The following BCR variants were observed in gnomAD, a reference collection of about 807,000 sequenced individuals.
BCR encodes breakpoint cluster region protein.
A neutral mutation model predicts 138.6 loss-of-function variants in BCR; 58 were observed. The ratio of observed to expected loss-of-function variants is 0.42; its 90% CI spans 0.34 to 0.52. BCR has a LOEUF of 0.52. Ranked by LOEUF, BCR falls within the 20% of genes least tolerant of loss-of-function variation. The pLI, the probability that BCR is intolerant of heterozygous loss-of-function variation, is 0.06. For synonymous variants in BCR, 786 were observed against 730.1 expected (o/e 1.08, Z -1.23); for missense variants, 1,599 against 1,727.2 (o/e 0.93, Z 1.32).
chr22:23,246,886 C>T lies in BCR; in HGVS notation c.1280-6913C>T, dbSNP rs1156873215. ...GAGGTTCTGCTACGATAGCCAGCTT[C>T]GGAGCCCCCAAGATCCACAGCCCTT... On this transcript the variant is annotated intron_variant, in intron 1 of 22. Transcript: ENST00000305877. Among the ~76,000 whole-genome samples the T allele has an allele frequency of 3.9e-5, 6 of 152,030 alleles. No homozygotes were observed. In the East Asian group the frequency reaches 7.7e-4, roughly 20 times the overall value.
chr22:23,286,697 C>T (rs762900086), intron 10 of BCR, among the ~76,000 whole-genome samples: 2 of 152,136 alleles, frequency 1.3e-5, no homozygotes, highest in Non-Finnish European at 2.9e-5. Flanking sequence ...AGGGCCTTCC[C>T]ATCCAGGTTC....
intron 5 of BCR, among the ~76,000 whole-genome samples, chr22:23,269,516 C>T (rs1453597653): frequency 6.6e-6 from 1 of 152,180 alleles, no homozygotes; most frequent in Non-Finnish European, 1.5e-5. Context: ...GGCTTTGTGC[C>T]GTCTTATTGT....
At chr22:23,194,758 T>C (rs187060270) in intron 1 of BCR, among the ~76,000 whole-genome samples, 1 of 151,774 alleles carries the variant, frequency 6.6e-6, no homozygotes, top group Admixed American at 6.6e-5. Flanking sequence ...CTGGGCAACA[T>C]AGCAAGACCC....
chr22:23,297,239 G>GTTTT (rs2073857171), intron 16 of BCR, among the ~76,000 whole-genome samples: 1 of 98,328 alleles, frequency 1.0e-5, no homozygotes, highest in Non-Finnish European at 2.0e-5. Flanking sequence ...TTTTTTTTTC[G>GTTTT]AGACAGAGTT....
Position 23,235,219 on chromosome 22 carries a change from C to G in BCR, c.1280-18580C>G, listed in dbSNP as rs1000504572. On this transcript the variant is annotated intron_variant, in intron 1 of 22. Transcript: ENST00000305877. The stretch of plus-strand genomic sequence containing the variant: ...TCTCCTGCCTCAGCCTCCCAAGTAG[C>G]TGGGATTACAGGCATGCACCCAGCT... 1.6e-4 allele frequency among the ~76,000 whole-genome samples: 23 copies of G among 144,346 alleles called. 2 individuals carry two copies. Among genetic ancestry groups the G allele is most frequent in the African/African-American group, 5.6e-4 (23 of 40,870 alleles). 94.7% of individuals were successfully genotyped at this position (144,346 alleles called of 152,430 possible).
intron 2 of BCR, among the ~76,000 whole-genome samples, chr22:23,256,989 C>T (rs1004777193): frequency 1.3e-5 from 2 of 152,114 alleles, no homozygotes; most frequent in African/African-American, 2.4e-5. Context: ...CCTTTACCTC[C>T]GGCTTCCTAC....
chr22:23,241,450 G>T (rs2073090878), intron 1 of BCR, among the ~76,000 whole-genome samples: 1 of 152,154 alleles, frequency 6.6e-6, no homozygotes, highest in African/African-American at 2.4e-5. Context: ...CTGGTGTGGA[G>T]GGACTCCCTC....
chr22:23,314,779 AC>A (rs1568988845), intron 22 of BCR, 65 bp downstream of exon 22: 2 of 1,577,358 alleles, frequency 1.3e-6, no homozygotes, highest in Non-Finnish European at 1.7e-6. Flanking sequence ...TGCCTGCCCC[AC>A]CCCCAGTCCT....
At chr22:23,258,943 C>T (rs960311517) in intron 2 of BCR, among the ~76,000 whole-genome samples, 3 of 152,188 alleles carry the variant, frequency 2.0e-5, no homozygotes, top group Admixed American at 2.0e-4. Context: ...ACCACCCCCA[C>T]CCCCCGCACC....
At chr22:23,249,677 T>G (rs1256188130) in intron 1 of BCR, among the ~76,000 whole-genome samples, 1 of 151,946 alleles carries the variant, frequency 6.6e-6, no homozygotes, top group East Asian at 1.9e-4. Flanking sequence ...GGTTCCTGTG[T>G]GCTGGTTAGA....
At chr22:23,195,208 G>A (rs2072463565) in intron 1 of BCR, among the ~76,000 whole-genome samples, 1 of 151,680 alleles carries the variant, frequency 6.6e-6, no homozygotes, top group Non-Finnish European at 1.5e-5. Flanking sequence ...ATCACCTGAG[G>A]TCGGGAGTTT....
In BCR at chr22:23,181,439, G is replaced by A; in HGVS notation, c.479G>A (p.Arg160Gln). 3.1e-6 allele frequency: 5 copies of A among 1,595,044 alleles called. No individual in the cohort carries two copies. The highest frequency in any genetic ancestry group is 4.3e-6 in the Non-Finnish European group (5 of 1,167,798). The change falls in exon 1 of 23, where the codon CGG (arginine) becomes CAG (glutamine). Residue 160 changes from arginine to glutamine, a missense_variant. Transcript: ENST00000305877. The stretch of plus-strand genomic sequence containing the variant: ...GCGGCGCTCAGGTCCAACTTCGAGC[G>A]GATCCGCAAGGGCCATGGCCAGCCC... ...SVAALRSNFERIRKGHGQPGA... is the reference protein window; with the variant it reads ...SVAALRSNFEQIRKGHGQPGA...
intron 1 of BCR, among the ~76,000 whole-genome samples, chr22:23,236,735 G>A (rs1199568363): frequency 5.9e-5 from 9 of 152,244 alleles, no homozygotes; most frequent in Admixed American, 5.9e-4. Flanking sequence ...TCCTTGGCAG[G>A]TGCCTGCCCT....
At chr22:23,291,565 A>G (rs559206225) in intron 14 of BCR, among the ~76,000 whole-genome samples, 81 of 152,040 alleles carry the variant, frequency 5.3e-4, no homozygotes, top group African/African-American at 1.7e-3. Flanking sequence ...TCTGTGAGCA[A>G]TACAGCGTGA....
intron 1 of BCR, among the ~76,000 whole-genome samples, chr22:23,209,852 C>T (rs2072661385): frequency 6.6e-6 from 1 of 152,132 alleles, no homozygotes; most frequent in Non-Finnish European, 1.5e-5. Flanking sequence ...CTGGTCTCAA[C>T]CTCCTGGCCT....
chr22:23,221,884 G>C (rs2072828560), intron 1 of BCR, among the ~76,000 whole-genome samples: 1 of 152,174 alleles, frequency 6.6e-6, no homozygotes. Flanking sequence ...GAGGTCAGGA[G>C]TTCGAGACCA....
intron 1 of BCR, among the ~76,000 whole-genome samples, chr22:23,194,009 A>G (rs1601999658): frequency 6.6e-6 from 1 of 152,308 alleles, no homozygotes; most frequent in South Asian, 2.1e-4. Context: ...TCTGTCCCTG[A>G]GGCACGGAGG....
At chr22:23,292,929 T>C (rs778607818) in intron 15 of BCR, among the ~76,000 whole-genome samples, 18 of 152,228 alleles carry the variant, frequency 1.2e-4, no homozygotes, top group Non-Finnish European at 2.1e-4. Context: ...TTAGCGCTTA[T>C]GTTTACTTGG....
At chr22:23,280,279 TG>T (rs1323502301) in intron 8 of BCR, among the ~76,000 whole-genome samples, 1 of 152,214 alleles carries the variant, frequency 6.6e-6, no homozygotes, top group Non-Finnish European at 1.5e-5. Flanking sequence ...GCAGCTGGCC[TG>T]GGGGAAGTCC....
Sources: gnomAD v4.1 joint callset for allele counts (sites outside exome capture counted in the v4.1 genomes callset) on GRCh38, gnomAD v4.1.1 for gene constraint, MANE v1.5 for transcripts, NCBI Gene and HGNC (gene_info 2026-07-23, HGNC 2026-07-21) for gene names.